HIVEP1: variants seen among roughly 807,000 people sequenced by gnomAD.
The protein encoded by HIVEP1 is HIVEP zinc finger 1.
A neutral mutation model predicts 180.0 loss-of-function variants in HIVEP1; 36 were observed. The ratio of observed to expected loss-of-function variants is 0.20; its 90% confidence interval spans 0.15 to 0.26. The LOEUF is 0.26. HIVEP1 is among the 10% of genes least tolerant of loss of function. HIVEP1 has a pLI of 1.00. For missense variants in HIVEP1, 3,143 were observed against 3,268.7 expected (o/e 0.96, Z 0.94); for synonymous variants, 1,239 against 1,239.0 (o/e 1.00, Z 0.00).
intron 3 of HIVEP1, among the ~76,000 whole-genome samples, chr6:12,114,091 C>A (rs1775073642): frequency 6.6e-6 from 1 of 152,208 alleles, no homozygotes; most frequent in Non-Finnish European, 1.5e-5. Context: ...GCCCTCCTTT[C>A]CCCTGACTCT....
At chr6:12,055,428 C>T (rs879439876) in intron 2 of HIVEP1, among the ~76,000 whole-genome samples, 25 of 151,972 alleles carry the variant, frequency 1.6e-4, no homozygotes, top group African/African-American at 5.1e-4. Context: ...AGCTGAGATC[C>T]GCCACTGCAC....
chr6:12,013,435 C>G (rs1490633176), intron 1 of HIVEP1, among the ~76,000 whole-genome samples: 1 of 152,160 alleles, frequency 6.6e-6, no homozygotes, highest in African/African-American at 2.4e-5. Context: ...TGGAAATACC[C>G]ACTTCCCCCC....
intron 7 of HIVEP1, among the ~76,000 whole-genome samples, chr6:12,149,640 G>A (rs1445439299): frequency 6.6e-6 from 1 of 152,132 alleles, no homozygotes; most frequent in Non-Finnish European, 1.5e-5. Context: ...TCCCTTACAT[G>A]TGCATTGTTT....
intron 3 of HIVEP1, 28 bp downstream of exon 3, chr6:12,089,265 C>A: frequency 7.2e-7 from 1 of 1,380,648 alleles, no homozygotes; most frequent in Non-Finnish European, 1.0e-6. Context: ...TGAATGTAAA[C>A]TTTATTCTTG....
chr6:12,113,967 TTTTA>T (rs1775064960), intron 3 of HIVEP1, among the ~76,000 whole-genome samples: 1 of 152,220 alleles, frequency 6.6e-6, no homozygotes, highest in African/African-American at 2.4e-5. Flanking sequence ...TTTAAATTTG[TTTTA>T]TTTAATTAAT....
At chr6:12,011,736 G>A (rs910384764), upstream of HIVEP1, among the ~76,000 whole-genome samples, 1 of 148,230 alleles carries the variant, frequency 6.7e-6, no homozygotes, top group African/African-American at 2.5e-5. Flanking sequence ...CTCCGGGTTC[G>A]TGCCGGGCCG....
chr6:12,097,337 A>C (rs1777015890), intron 3 of HIVEP1, among the ~76,000 whole-genome samples: 1 of 143,384 alleles, frequency 7.0e-6, no homozygotes, highest in Admixed American at 7.0e-5. Context: ...TTTTGCCCTG[A>C]GAAATAGATA....
intron 2 of HIVEP1, among the ~76,000 whole-genome samples, chr6:12,088,502 G>A (rs886234478): frequency 6.6e-6 from 1 of 152,008 alleles, no homozygotes; most frequent in African/African-American, 2.4e-5. Flanking sequence ...ATCCAGTTGT[G>A]CCCAGAGCCC....
chr6:12,013,804 T>C (rs1280399587), intron 1 of HIVEP1, among the ~76,000 whole-genome samples: 1 of 132,130 alleles, frequency 7.6e-6, no homozygotes, highest in Non-Finnish European at 1.6e-5. Context: ...CAATGCTAGA[T>C]GAAATACTTA....
intron 1 of HIVEP1, among the ~76,000 whole-genome samples, chr6:12,014,569 A>G (rs1388090736): frequency 6.6e-6 from 1 of 152,196 alleles, no homozygotes; most frequent in Non-Finnish European, 1.5e-5. Flanking sequence ...TTAATGACTA[A>G]ACATTGTTTC....
At chr6:12,035,053 G>T (rs1326893188) in intron 2 of HIVEP1, among the ~76,000 whole-genome samples, 1 of 152,200 alleles carries the variant, frequency 6.6e-6, no homozygotes, top group Non-Finnish European at 1.5e-5. Context: ...CATGGATGTG[G>T]ATGTTATTAT....
Position 12,122,467 on chromosome 6 carries a change from G to A in HIVEP1, c.2672G>A (p.Gly891Glu), listed in dbSNP as rs140669739. The change falls in exon 4 of 9, where the codon GGG (glycine) becomes GAG (glutamate). Residue 891 changes from glycine to glutamate, a missense_variant. Coordinates refer to ENST00000379388, the MANE Select transcript of HIVEP1 (RefSeq NM_002114.4). Reference sequence around the variant, plus strand: ...CCTAACGCTCCTGTGCCCCAGAGTGGGCATCCCCGTACACTTGTGAGACAA... The same window carrying A: ...CCTAACGCTCCTGTGCCCCAGAGTGAGCATCCCCGTACACTTGTGAGACAA... ...SGPNAPVPQS[G>E]HPRTLVRQAA... 1.1e-3 allele frequency: 1,732 copies of A among 1,614,170 alleles called. 2 individuals carry two copies. Among genetic ancestry groups the A allele is most frequent in the Non-Finnish European group, 1.3e-3 (1,483 of 1,180,034 alleles).
chr6:12,137,903 C>G (rs1330590750), intron 7 of HIVEP1, among the ~76,000 whole-genome samples: 1 of 152,112 alleles, frequency 6.6e-6, no homozygotes, highest in African/African-American at 2.4e-5. Context: ...GTTGTGTGTA[C>G]TCATGTATTA....
rs775424798 is a variant in HIVEP1, at chr6:12,123,541, C to G, written c.3746C>G (p.Ala1249Gly). The G allele has an allele frequency of 6.2e-7, 1 of 1,614,134 alleles. No homozygotes were observed. The highest frequency in any genetic ancestry group is 1.7e-5 in the Admixed American group (1 of 60,018). Residue 1249 changes from alanine to glycine, a missense_variant, in exon 4 of 9, where the codon GCT becomes GGT. By Grantham distance (60) the Ala-to-Gly change is moderately conservative. Coordinates refer to ENST00000379388, the MANE Select transcript of HIVEP1 (RefSeq NM_002114.4). ...GAAGAACCAGATCGAGACCTGGAAG[C>G]TCAATGCCATGATCAAGAAAAGTCA... Reference protein sequence around the residue: ...VTEEPDRDLEAQCHDQEKSEK... With the variant: ...VTEEPDRDLEGQCHDQEKSEK...
chr6:12,053,117 C>T (rs1302258782), intron 2 of HIVEP1, among the ~76,000 whole-genome samples: 2 of 152,096 alleles, frequency 1.3e-5, no homozygotes, highest in Admixed American at 6.5e-5. Flanking sequence ...TAATTTACAT[C>T]TGTTTTGGGG....
chr6:12,024,426 C>T (rs544831066), intron 2 of HIVEP1, among the ~76,000 whole-genome samples: 1 of 152,242 alleles, frequency 6.6e-6, no homozygotes, highest in Admixed American at 6.5e-5. Context: ...ATAGCAGTCC[C>T]TAAGCATGAA....
At chr6:12,130,264 A>G (rs1195128915) in intron 5 of HIVEP1, among the ~76,000 whole-genome samples, 1 of 152,260 alleles carries the variant, frequency 6.6e-6, no homozygotes, top group Non-Finnish European at 1.5e-5. Flanking sequence ...CATAAAAGCC[A>G]ATTATAGTTA....
chr6:12,124,680 A>G lies in HIVEP1; in HGVS notation c.4885A>G (p.Lys1629Glu). The change falls in exon 4 of 9, where the codon AAG becomes GAG. Residue 1629 changes from lysine (K) to glutamate (E), a missense_variant. Physicochemically the swap from Lys to Glu is moderately conservative, Grantham distance 56. Around this residue, in one of 12 missense-constraint regions of HIVEP1, gnomAD observed 1,357 missense variants for 1,260.5 expected, o/e 1.08. Transcript: ENST00000379388. ...ELRPLGSQVQ[K>E]VPSSFMLPIR... ...CAGGCCCCTTGGAAGTCAGGTGCAGAAGGTGCCATCATCATTCATGCTGCC... is the reference window on the plus strand; with the variant it reads ...CAGGCCCCTTGGAAGTCAGGTGCAGGAGGTGCCATCATCATTCATGCTGCC... The G allele has an allele frequency of 1.9e-6, 3 of 1,614,184 alleles. No individual in the cohort carries two copies. Among genetic ancestry groups the G allele is most frequent in the Middle Eastern group, 3.3e-4 (2 of 6,060 alleles).
chr6:12,084,821 G>A lies in HIVEP1; in HGVS notation c.41-4363G>A, dbSNP rs540064315. On this transcript the variant is annotated intron_variant, in intron 2 of 8. Coordinates refer to ENST00000379388, the MANE Select transcript of HIVEP1 (RefSeq NM_002114.4). Reference sequence around the variant, plus strand: ...CGGGTGCTAGCGCAGAGGCTATATGGTACCCAGCAGAACAGCATGAGAGAA... The same window carrying A: ...CGGGTGCTAGCGCAGAGGCTATATGATACCCAGCAGAACAGCATGAGAGAA... Among the ~76,000 whole-genome samples the A allele has an allele frequency of 1.1e-4, 16 of 152,194 alleles. No individual in the cohort carries two copies. In the South Asian group the frequency reaches 3.3e-3, roughly 32 times the overall value.
Sources: gnomAD v4.1 joint callset for allele counts (sites outside exome capture counted in the v4.1 genomes callset) on GRCh38, gnomAD v4.1.1 for gene constraint, gnomAD v4.1.1 regional missense constraint, MANE v1.5 for transcripts, NCBI Gene and HGNC (gene_info 2026-07-23, HGNC 2026-07-21) for gene names.